ZNF492: variants seen among roughly 807,000 people sequenced by gnomAD.
ZNF492 encodes zinc finger protein 115 (Y20).
ZNF492 carries 3 observed loss-of-function variants against 6.4 expected under a neutral mutation model. The ratio of observed to expected loss-of-function variants is 0.47; its 90% CI spans 0.21 to 1.22. ZNF492 has a LOEUF of 1.22. Ranked by LOEUF, ZNF492 falls within the 50% of genes most tolerant of loss-of-function variation. The probability of loss-of-function intolerance (pLI) is 0.22; values close to 1 mark genes in which losing one functional copy is unlikely to be tolerated. For missense variants in ZNF492, 356 were observed against 612.5 expected (o/e 0.58, Z 4.42); for synonymous variants, 112 against 205.3 (o/e 0.55, Z 3.89).
At chr19:22,653,209 G>C in intron 1 of ZNF492, 98 bp from the exon 2 acceptor site, 1 of 1,384,962 alleles carries the variant, frequency 7.2e-7, no homozygotes, top group Non-Finnish European at 9.9e-7. Context: ...CTATAAGTAA[G>C]AACCAGTTCT....
chr19:22,650,110 G>A (rs141314228), intron 1 of ZNF492, among the ~76,000 whole-genome samples: 1 of 152,306 alleles, frequency 6.6e-6, no homozygotes, highest in Non-Finnish European at 1.5e-5. Flanking sequence ...TGGGGTTCTT[G>A]TGGGGACTTT....
intron 1 of ZNF492, among the ~76,000 whole-genome samples, chr19:22,636,956 C>CGTTTTT (rs775718415): frequency 8.4e-6 from 1 of 119,446 alleles, no homozygotes; most frequent in African/African-American, 3.7e-5. Flanking sequence ...TTTTAGTAAA[C>CGTTTTT]CTTTTTTTTT....
intron 1 of ZNF492, among the ~76,000 whole-genome samples, chr19:22,641,545 C>T (rs1488467356): frequency 6.6e-6 from 1 of 152,008 alleles, no homozygotes; most frequent in East Asian, 1.9e-4. Flanking sequence ...GAGTATGTGC[C>T]ACGTGATGAT....
At chr19:22,662,052 A>G (rs898494838) in intron 3 of ZNF492, among the ~76,000 whole-genome samples, 1 of 152,056 alleles carries the variant, frequency 6.6e-6, no homozygotes, top group African/African-American at 2.4e-5. Context: ...ATAGGTATAC[A>G]TGTGCCATGG....
chr19:22,665,362 A>G lies in ZNF492; in HGVS notation c.*97A>G, dbSNP rs1972113851. On this transcript the variant is annotated 3_prime_UTR_variant, in exon 4 of 4. Coordinates refer to ENST00000456783, the MANE Select transcript of ZNF492 (RefSeq NM_020855.3). ...AGAAAACTTCTACAAGTGTGAATGA[A>G]CAGTGTGGCAAAACTTACACAATGC... 4.0e-6 allele frequency: 6 copies of G among 1,493,504 alleles called. No homozygotes were observed. The highest frequency in any genetic ancestry group is 5.3e-6 in the Non-Finnish European group (6 of 1,122,496). 92.5% of individuals were successfully genotyped at this position (1,493,504 alleles called of 1,614,324 possible). A position where few individuals can be genotyped will look rare whatever the true frequency, so the allele number is the denominator to read the frequency against.
rs371220528 is a variant in ZNF492 at position 22,637,933 on chromosome 19, A to G, written c.-94+3459A>G. Among the ~76,000 whole-genome samples, 130 of 152,280 alleles carry G rather than the reference A, an allele frequency of 8.5e-4. 1 individual carries two copies. Among genetic ancestry groups the G allele is most frequent in the African/African-American group, 2.9e-3 (119 of 41,582 alleles). On this transcript the variant is annotated intron_variant, in intron 1 of 3. Transcript: ENST00000456783. ...AGCCATTCTCACTGGATGAGATGAT[A>G]TTTCATTGTGGTTTTTCTTTGAATT... is the stretch of plus-strand genomic sequence containing the variant.
intron 1 of ZNF492, among the ~76,000 whole-genome samples, chr19:22,636,605 A>G (rs12984783): frequency 0.029 from 4,317 of 150,860 alleles, 69 homozygotes; most frequent in East Asian, 0.074. Context: ...CGTGATATTT[A>G]TCTACCATAT....
intron 1 of ZNF492, among the ~76,000 whole-genome samples, chr19:22,635,240 C>T (rs1971749117): frequency 6.6e-6 from 1 of 152,126 alleles, no homozygotes; most frequent in South Asian, 2.1e-4. Context: ...AGTCTATTTG[C>T]CGCCACATGG....
At chr19:22,643,681 A>G (rs934791538) in intron 1 of ZNF492, among the ~76,000 whole-genome samples, 7 of 152,124 alleles carry the variant, frequency 4.6e-5, no homozygotes, top group African/African-American at 1.7e-4. Flanking sequence ...GCTAATTACA[A>G]TCACATGGCC....
intron 1 of ZNF492, among the ~76,000 whole-genome samples, chr19:22,639,223 T>G (rs1971799708): frequency 6.6e-6 from 1 of 152,160 alleles, no homozygotes; most frequent in African/African-American, 2.4e-5. Context: ...GTTTTCACAG[T>G]GTTGTCATAA....
Position 22,663,371 on chromosome 19 carries a change from G to T in ZNF492, c.131-429G>T, listed in dbSNP as rs1366703436. On this transcript the variant is annotated intron_variant, in intron 3 of 3. Transcript: ENST00000456783. ...TGAAAGAATACCACTATTTCTTTCA[G>T]AACTTTTATGCAATGAGACACAGGA... Among the ~76,000 whole-genome samples the T allele has an allele frequency of 2.6e-5, 4 of 152,060 alleles. No homozygotes were observed. The East Asian group carries it at 7.7e-4, about 29-fold the overall frequency.
chr19:22,664,599 A>C lies in ZNF492; in HGVS notation c.930A>C (p.Lys310Asn). ...TTCATACTGGAGAGAAATTCTACAA[A>C]TGTGAAGAATGTGGTAAGGCCTTTA... The part of the protein sequence containing the change: ...KIIHTGEKFY[K>N]CEECGKAFSQ... Residue 310 changes from lysine to asparagine, a missense_variant, in exon 4 of 4, where the codon AAA becomes AAC. Transcript: ENST00000456783. 6.2e-7 allele frequency: 1 copy of C among 1,613,124 alleles called. No individual in the cohort carries two copies. Among genetic ancestry groups the C allele is most frequent in the South Asian group, 1.1e-5 (1 of 90,998 alleles).
At position 22,640,502 on chromosome 19, in the gene ZNF492, C is replaced by T. The variant is rs367607310; in HGVS notation, c.-94+6028C>T. Among the ~76,000 whole-genome samples the T allele has an allele frequency of 8.5e-4, 130 of 152,314 alleles. 1 individual carries two copies. The highest frequency in any genetic ancestry group is 2.9e-3 in the African/African-American group (120 of 41,576). ...TAGCCTTGCATCCCCAAAATAAACT[C>T]TACTTGATTATAGTTGGTTAGGTTT... On this transcript the variant is annotated intron_variant, in intron 1 of 3. Coordinates refer to ENST00000456783, the MANE Select transcript of ZNF492 (RefSeq NM_020855.3).
chr19:22,638,149 T>C (rs1255616614), intron 1 of ZNF492, among the ~76,000 whole-genome samples: 1 of 152,158 alleles, frequency 6.6e-6, no homozygotes, highest in East Asian at 1.9e-4. Flanking sequence ...TATTTTCTTT[T>C]ATTCTGTGTG....
Position 22,667,340 on chromosome 19 carries a change from A to G in ZNF492, c.*2075A>G, listed in dbSNP as rs1972141525. 1 of 152,198 alleles carries G rather than the reference A, an allele frequency of 6.6e-6. No homozygotes were observed. The highest frequency in any genetic ancestry group is 6.5e-5 in the Admixed American group (1 of 15,274). The allele number at this position is 152,198 out of a possible 1,614,324, so 9.4% of individuals were successfully genotyped here. Reference sequence around the variant, plus strand: ...TTTCCAGTGGCTTTAAACTGCAAATAAGGAATGTTGTTTCTGTAGGTAAAA... The same window carrying G: ...TTTCCAGTGGCTTTAAACTGCAAATGAGGAATGTTGTTTCTGTAGGTAAAA... On this transcript the variant is annotated 3_prime_UTR_variant, in exon 4 of 4. Transcript: ENST00000456783.
At chr19:22,642,198 A>G (rs1361343397) in intron 1 of ZNF492, among the ~76,000 whole-genome samples, 1 of 152,102 alleles carries the variant, frequency 6.6e-6, no homozygotes, top group South Asian at 2.1e-4. Context: ...GAACGTGTCC[A>G]GTGACCTGGT....
chr19:22,641,193 T>A (rs781214245), intron 1 of ZNF492, among the ~76,000 whole-genome samples: 15 of 152,332 alleles, frequency 9.8e-5, no homozygotes, highest in Non-Finnish European at 1.9e-4. Context: ...TGATGTCAGG[T>A]TGTTAAACTG....
chr19:22,655,675 ATT>A (rs201831166), intron 3 of ZNF492, among the ~76,000 whole-genome samples: 14 of 109,408 alleles, frequency 1.3e-4, no homozygotes, highest in African/African-American at 2.0e-4. Context: ...CAGTGACTTA[ATT>A]TTTTTTTTTT....
At chr19:22,661,311 T>C in intron 3 of ZNF492, among the ~76,000 whole-genome samples, 1 of 152,128 alleles carries the variant, frequency 6.6e-6, no homozygotes, top group Non-Finnish European at 1.5e-5. Context: ...ATTCAACTTA[T>C]GAGTGTTTAA....
Sources: allele counts gnomAD v4.1 joint callset (sites outside exome capture counted in the v4.1 genomes callset), GRCh38; gene constraint gnomAD v4.1.1; transcripts MANE v1.5; gene names NCBI Gene and HGNC (gene_info 2026-07-23, HGNC 2026-07-21).